The following NLGN1 variants were observed in gnomAD, a reference collection of about 807,000 sequenced individuals.
NLGN1 encodes the protein neuroligin-1.
In NLGN1, 12 loss-of-function variants were observed where a neutral mutation model predicts 65.5. That is an observed-to-expected ratio of 0.18 (90% CI 0.12 to 0.30). The LOEUF (loss-of-function observed/expected upper bound fraction) is 0.30. Among genes scored for constraint, NLGN1 ranks in the 10% least tolerant of loss-of-function variants. The pLI is 1.00. For synonymous variants in NLGN1, 350 were observed against 359.5 expected (o/e 0.97, Z 0.30); for missense variants, 750 against 1,007.1 (o/e 0.74, Z 3.46).
chr3:173,797,388 T>G (rs1345326951), intron 3 of NLGN1, among the ~76,000 whole-genome samples: 2 of 152,128 alleles, frequency 1.3e-5, no homozygotes, highest in Non-Finnish European at 2.9e-5. Flanking sequence ...ACTAAAATAC[T>G]GCTGTAATTC....
At chr3:173,404,980 AATAG>A (rs1266415661) in intron 1 of NLGN1, among the ~76,000 whole-genome samples, 1 of 152,154 alleles carries the variant, frequency 6.6e-6, no homozygotes, top group African/African-American at 2.4e-5. Flanking sequence ...TTTTTAGACA[AATAG>A]ATATAGATTT....
intron 4 of NLGN1, among the ~76,000 whole-genome samples, chr3:174,253,673 T>A (rs1489498213): frequency 6.6e-6 from 1 of 152,120 alleles, no homozygotes; most frequent in Admixed American, 6.5e-5. Context: ...TATTTTCAAT[T>A]ACAAATCTGA....
At chr3:173,689,366 G>C (rs1765128374) in intron 3 of NLGN1, among the ~76,000 whole-genome samples, 1 of 152,120 alleles carries the variant, frequency 6.6e-6, no homozygotes, top group Non-Finnish European at 1.5e-5. Flanking sequence ...GGGTAATGGA[G>C]GAGGCAGCCC....
At chr3:173,883,804 G>A (rs1411940155) in intron 4 of NLGN1, among the ~76,000 whole-genome samples, 1 of 147,838 alleles carries the variant, frequency 6.8e-6, no homozygotes, top group Non-Finnish European at 1.5e-5. Flanking sequence ...TTTGATTAAA[G>A]GGAAACTTTC....
chr3:173,830,607 A>G (rs1185933413), intron 4 of NLGN1, among the ~76,000 whole-genome samples: 1 of 152,196 alleles, frequency 6.6e-6, no homozygotes, highest in African/African-American at 2.4e-5. Context: ...TCCAATCCAT[A>G]CAATAAATGA....
chr3:174,036,593 T>TG (rs1478171813), intron 4 of NLGN1, among the ~76,000 whole-genome samples: 1 of 151,380 alleles, frequency 6.6e-6, no homozygotes, highest in African/African-American at 2.4e-5. Context: ...TGTTTTTTTT[T>TG]TTTTTTCAAA....
intron 4 of NLGN1, among the ~76,000 whole-genome samples, chr3:173,946,737 A>G (rs894991659): frequency 1.3e-5 from 2 of 152,100 alleles, no homozygotes; most frequent in African/African-American, 4.8e-5. Flanking sequence ...ACTGTCCTCT[A>G]CTCAGTGGGA....
In NLGN1 at chr3:174,081,402, G is replaced by A. The variant is rs140917670; in HGVS notation, c.647-193913G>A. ...AGATCAAGGCACCCGAAAATATGGTGTCTGCTGAGGCCCACTTCCTGTTAC... is the reference window on the plus strand; with the variant it reads ...AGATCAAGGCACCCGAAAATATGGTATCTGCTGAGGCCCACTTCCTGTTAC... On this transcript the variant is annotated intron_variant, in intron 4 of 6. Transcript: ENST00000457714. 5.6e-3 allele frequency among the ~76,000 whole-genome samples: 853 copies of A among 152,168 alleles called. 12 individuals are homozygous for A. Among genetic ancestry groups the A allele is most frequent in the African/African-American group, 0.02 (822 of 41,532 alleles).
Position 174,254,920 on chromosome 3 carries a change from CT to C in NLGN1, c.647-20388del, listed in dbSNP as rs1376804823. Among the ~76,000 whole-genome samples the C allele has an allele frequency of 3.3e-5, 5 of 152,202 alleles. No homozygotes were observed. In the East Asian group the frequency reaches 7.7e-4, roughly 24 times the overall value. ...TCCCTTGTTATATATATTTTAACTA[CT>C]TTTTTTCCAGAATCAAAGGTGCTTA... On this transcript the variant is annotated intron_variant, in intron 4 of 6. Transcript: ENST00000457714.
rs181761071 is a variant in NLGN1, at chr3:173,967,220, G to A, written c.646+159388G>A. Among the ~76,000 whole-genome samples, 278 of 152,264 alleles carry A rather than the reference G, an allele frequency of 1.8e-3. 1 individual carries two copies. Among genetic ancestry groups the A allele is most frequent in the South Asian group, 3.3e-3 (16 of 4,828 alleles). ...ACAGTGGGCAAAAGAAGTACTCTAA[G>A]GCCTTTAAGCAGTGTGGCATAACTT... On this transcript the variant is annotated intron_variant, in intron 4 of 6. Transcript: ENST00000457714.
At chr3:174,123,460 C>G (rs73046206) in intron 4 of NLGN1, among the ~76,000 whole-genome samples, 4,154 of 152,170 alleles carry the variant, frequency 0.027, 205 homozygotes, top group African/African-American at 0.094. Context: ...GGTTTCTTCC[C>G]TGGTTTGGAA....
chr3:174,122,962 A>C (rs549043452), intron 4 of NLGN1, among the ~76,000 whole-genome samples: 1 of 152,184 alleles, frequency 6.6e-6, no homozygotes, highest in Non-Finnish European at 1.5e-5. Flanking sequence ...AAATGAGACA[A>C]GGAGAAAGCT....
intron 3 of NLGN1, among the ~76,000 whole-genome samples, chr3:173,611,501 A>T (rs1168477457): frequency 6.6e-6 from 1 of 152,104 alleles, no homozygotes; most frequent in Non-Finnish European, 1.5e-5. Context: ...TAGTAGAAAA[A>T]TCACCACACA....
chr3:173,710,130 A>G (rs997823287), intron 3 of NLGN1, among the ~76,000 whole-genome samples: 3 of 152,150 alleles, frequency 2.0e-5, no homozygotes, highest in Non-Finnish European at 4.4e-5. Flanking sequence ...CAAAAATTCA[A>G]TGAGTGAATA....
intron 3 of NLGN1, among the ~76,000 whole-genome samples, chr3:173,791,449 T>C (rs1712717860): frequency 6.6e-6 from 1 of 152,102 alleles, no homozygotes; most frequent in African/African-American, 2.4e-5. Context: ...TTAACTGATA[T>C]TACTTATTTA....
intron 2 of NLGN1, among the ~76,000 whole-genome samples, chr3:173,437,982 G>A (rs187147367): frequency 1.1e-4 from 17 of 151,996 alleles, no homozygotes; most frequent in African/African-American, 3.1e-4. Flanking sequence ...GAGTTTCCAA[G>A]TATCCAAGTC....
intron 4 of NLGN1, among the ~76,000 whole-genome samples, chr3:173,887,170 A>C (rs1212321631): frequency 6.6e-6 from 1 of 152,044 alleles, no homozygotes; most frequent in South Asian, 2.1e-4. Flanking sequence ...TTCATTTGAA[A>C]AGCTTGTAGA....
intron 4 of NLGN1, among the ~76,000 whole-genome samples, chr3:174,001,548 TAGGGGTTAAG>T (rs1052315483): frequency 1.1e-4 from 16 of 152,332 alleles, no homozygotes; most frequent in Admixed American, 2.0e-4. Flanking sequence ...AAATGTATTG[TAGGGGTTAAG>T]AGGATAGTCC....
At chr3:173,518,906 C>T (rs1296066287) in intron 2 of NLGN1, among the ~76,000 whole-genome samples, 6 of 152,114 alleles carry the variant, frequency 3.9e-5, no homozygotes, top group African/African-American at 1.4e-4. Context: ...TTTCAGTGAC[C>T]TTCACAGCAG....
Sources: gnomAD v4.1 joint callset for allele counts (sites outside exome capture counted in the v4.1 genomes callset) on GRCh38, gnomAD v4.1.1 for gene constraint, MANE v1.5 for transcripts, NCBI Gene and HGNC (gene_info 2026-07-23, HGNC 2026-07-21) for gene names.